The following ZNF385C variants were observed in gnomAD, a reference collection of about 807,000 sequenced individuals.
ZNF385C encodes zinc finger protein 385C.
In ZNF385C, 28 loss-of-function variants were observed where a neutral mutation model predicts 35.4. The observed-to-expected ratio is 0.79, with a 90% CI of 0.59 to 1.08. ZNF385C has a LOEUF of 1.08. ZNF385C is among the 50% of genes least tolerant of loss of function. The probability of loss-of-function intolerance (pLI) is 0.00; values close to 1 mark genes in which losing one functional copy is unlikely to be tolerated. For missense variants in ZNF385C, 605 were observed against 595.6 expected, an observed-to-expected ratio of 1.02 and a Z score of -0.16; for synonymous variants, 248 against 248.2, an observed-to-expected ratio of 1.00 and a Z score of 0.01.
intron 1 of ZNF385C, among the ~76,000 whole-genome samples, chr17:42,075,372 T>G (rs915025867): frequency 1.3e-5 from 2 of 152,184 alleles, no homozygotes. Context: ...CTTCATTCAT[T>G]TCTTTTGCCT....
At chr17:42,073,571 C>T (rs936653180) in intron 1 of ZNF385C, among the ~76,000 whole-genome samples, 2 of 152,132 alleles carry the variant, frequency 1.3e-5, no homozygotes, top group Non-Finnish European at 2.9e-5. Context: ...GCTGGGGAGA[C>T]TTCACCAGTG....
intron 2 of ZNF385C, among the ~76,000 whole-genome samples, chr17:42,043,820 G>A (rs897829715): frequency 7.9e-5 from 12 of 152,110 alleles, no homozygotes; most frequent in Admixed American, 5.2e-4. Flanking sequence ...AATTCGCTTT[G>A]ACTGATGAAG....
chr17:42,026,538 T>C lies in ZNF385C; in HGVS notation c.*359A>G, dbSNP rs2052582074. On this transcript the variant is annotated 3_prime_UTR_variant, in exon 9 of 9. Coordinates refer to ENST00000692273, the MANE Select transcript of ZNF385C (RefSeq NM_001392013.1). ...GAATAGAGGTCAGAGAGTCGTCCCC[T>C]GGCTAGGAGAGGATGGCTTGTAGAA... 1.6e-5 allele frequency: 5 copies of C among 308,996 alleles called. No individual in the cohort carries two copies. Among genetic ancestry groups the C allele is most frequent in the Middle Eastern group, 1.1e-3 (1 of 916 alleles). 19.1% of individuals were successfully genotyped at this position (308,996 alleles called of 1,614,324 possible).
intron 2 of ZNF385C, among the ~76,000 whole-genome samples, chr17:42,058,829 G>C (rs1261517136): frequency 6.6e-6 from 1 of 152,168 alleles, no homozygotes; most frequent in Non-Finnish European, 1.5e-5. Context: ...GCTAATTTTT[G>C]TGTTTTTAGT....
At chr17:42,040,459 A>G in intron 2 of ZNF385C, 2 of 1,232,176 alleles carry the variant, frequency 1.6e-6, no homozygotes, top group South Asian at 4.1e-5. Context: ...CAGCAAGGCC[A>G]AGTCCGGCTC....
At chr17:42,056,080 A>C (rs2053371298) in intron 2 of ZNF385C, among the ~76,000 whole-genome samples, 1 of 152,234 alleles carries the variant, frequency 6.6e-6, no homozygotes, top group Non-Finnish European at 1.5e-5. Context: ...AGGCCATTTC[A>C]GCAAGCCAGA....
intron 1 of ZNF385C, among the ~76,000 whole-genome samples, chr17:42,079,769 G>A (rs1250053327): frequency 6.6e-6 from 1 of 152,130 alleles, no homozygotes; most frequent in Non-Finnish European, 1.5e-5. Context: ...GAGGGATGGT[G>A]ATAAGACCAT....
chr17:42,081,852 C>T (rs1555659739), intron 1 of ZNF385C, among the ~76,000 whole-genome samples: 1 of 152,222 alleles, frequency 6.6e-6, no homozygotes, highest in African/African-American at 2.4e-5. Flanking sequence ...GGGCTCCACC[C>T]CCAGGGGTTC....
Position 42,037,930 on chromosome 17 carries a change from C to T in ZNF385C, c.251-45G>A, listed in dbSNP as rs1555655654. On this transcript the variant is annotated intron_variant, in intron 2 of 8. Transcript: ENST00000692273. ...AGGGTCTGAAATGGGCTCTGTCCTACCCCCGTGGCCAGAACAAGAGGCGGG... is the reference window on the plus strand; with the variant it reads ...AGGGTCTGAAATGGGCTCTGTCCTATCCCCGTGGCCAGAACAAGAGGCGGG... 3.9e-6 allele frequency: 6 copies of T among 1,546,290 alleles called. No homozygotes were observed. In the East Asian group the frequency reaches 9.8e-5, roughly 25 times the overall value.
At chr17:42,086,828 CTTT>C (rs531764608) in intron 1 of ZNF385C, among the ~76,000 whole-genome samples, 4 of 132,356 alleles carry the variant, frequency 3.0e-5, no homozygotes, top group Admixed American at 7.6e-5. Context: ...CAGTTTAATA[CTTT>C]TTTTTTTTTT....
chr17:42,048,376 C>CA lies in ZNF385C; in HGVS notation c.251-10492dup, dbSNP rs34771406. ...CAACATAGGGAGAACCTGTCTTTACCAAAAAAAAAAAAAAAAAAATTAGCC... is the reference window on the plus strand; with the variant it reads ...CAACATAGGGAGAACCTGTCTTTACCAAAAAAAAAAAAAAAAAAAATTAGCC... On this transcript the variant is annotated intron_variant, in intron 2 of 8. Coordinates refer to ENST00000692273, the MANE Select transcript of ZNF385C (RefSeq NM_001392013.1). Among the ~76,000 whole-genome samples the CA allele has an allele frequency of 8.9e-4, 111 of 124,804 alleles. 1 individual carries two copies. The highest frequency in any genetic ancestry group is 2.5e-3 in the African/African-American group (82 of 32,814). The allele number at this position is 124,804 out of a possible 152,430, so 81.9% of individuals were successfully genotyped here.
chr17:42,034,710 G>A (rs1179078793), intron 3 of ZNF385C, among the ~76,000 whole-genome samples: 45 of 151,262 alleles, frequency 3.0e-4, no homozygotes, highest in African/African-American at 1.1e-3. Context: ...CTTGAACCAG[G>A]GAGATGGAGG....
chr17:42,040,019 C>A, intron 2 of ZNF385C: 2 of 1,231,072 alleles, frequency 1.6e-6, no homozygotes, highest in Non-Finnish European at 2.0e-6. Context: ...CCGAGCCGCC[C>A]AAGGCCGAAT....
At chr17:42,092,382 C>T (rs960176146) in intron 1 of ZNF385C, among the ~76,000 whole-genome samples, 10 of 151,144 alleles carry the variant, frequency 6.6e-5, no homozygotes, top group Non-Finnish European at 1.5e-4. Context: ...GCTTGGGCAA[C>T]AGAGCAAGCG....
At chr17:42,048,664 C>A (rs376836698) in intron 2 of ZNF385C, among the ~76,000 whole-genome samples, 65 of 152,314 alleles carry the variant, frequency 4.3e-4, no homozygotes, top group African/African-American at 1.4e-3. Flanking sequence ...TCCCTGTTCT[C>A]TTCTACATCC....
intron 1 of ZNF385C, among the ~76,000 whole-genome samples, chr17:42,072,799 G>A (rs868959202): frequency 6.6e-6 from 1 of 152,132 alleles, no homozygotes; most frequent in African/African-American, 2.4e-5. Context: ...GGAAGAGAGG[G>A]GAGACTCGGA....
rs1183348286 is a variant in ZNF385C at position 42,027,276 on chromosome 17, C to CA, written c.1276-144dup. 1.3e-5 allele frequency: 10 copies of CA among 752,396 alleles called. No individual in the cohort carries two copies. The East Asian group carries it at 1.8e-4, about 13-fold the overall frequency. 46.6% of individuals were successfully genotyped at this position (752,396 alleles called of 1,614,324 possible). A position where few individuals can be genotyped will look rare whatever the true frequency, so the allele number is the denominator to read the frequency against. On this transcript the variant is annotated intron_variant, in intron 8 of 8. Coordinates refer to ENST00000692273, the MANE Select transcript of ZNF385C (RefSeq NM_001392013.1). ...CTAAATCCTCCTCCCTTCCCACCCC[C>CA]AAACATTCATTCCGAAGGGCTTTCT...
intron 1 of ZNF385C, among the ~76,000 whole-genome samples, chr17:42,092,197 C>T (rs553437508): frequency 2.8e-4 from 42 of 152,150 alleles, no homozygotes; most frequent in Middle Eastern, 3.4e-3. Context: ...CTCAGGAGTT[C>T]GAGACCAGCC....
At position 42,036,035 on chromosome 17, in the gene ZNF385C, C is replaced by T. The variant is rs144691471; in HGVS notation, c.400-1700G>A. Among the ~76,000 whole-genome samples the T allele has an allele frequency of 4.9e-3, 740 of 152,158 alleles. 6 individuals carry two copies. The highest frequency in any genetic ancestry group is 0.017 in the African/African-American group (720 of 41,500). ...TTTTGAGATGGAGTCTCCCTCTTGT[C>T]GCCCAGGCTGGAGTGCAATGGCGGA... On this transcript the variant is annotated intron_variant, in intron 3 of 8. Transcript: ENST00000692273.
Sources: allele counts gnomAD v4.1 joint callset (sites outside exome capture counted in the v4.1 genomes callset), GRCh38; gene constraint gnomAD v4.1.1; transcripts MANE v1.5; gene names NCBI Gene and HGNC (gene_info 2026-07-23, HGNC 2026-07-21).